Variants in SGCD observed in about 807,000 individuals in gnomAD.
SGCD encodes delta-sarcoglycan.
Under a neutral mutation model 36.6 loss-of-function variants are expected in SGCD, and 18 were observed. The ratio of observed to expected loss-of-function variants is 0.49; its 90% CI spans 0.34 to 0.73. SGCD has a LOEUF of 0.73. Among genes scored for constraint, SGCD ranks in the 30% least tolerant of loss-of-function variants. The probability of loss-of-function intolerance (pLI) is 0.01; values close to 1 mark genes in which losing one functional copy is unlikely to be tolerated. For missense variants in SGCD, 387 were observed against 346.7 expected (o/e 1.12, Z -0.92); for synonymous variants, 133 against 130.6 (o/e 1.02, Z -0.12).
rs567002334 is a variant in SGCD, at chr5:156,606,163, G to T, written c.502+11112G>T. ...GGTATTGCCTAGGTTTTCTTCTAGG[G>T]TTCTTATGGTTTTAGGTCTAACATT... On this transcript the variant is annotated intron_variant, in intron 6 of 8. Coordinates refer to ENST00000337851, the MANE Select transcript of SGCD (RefSeq NM_000337.6). Among the ~76,000 whole-genome samples, 8 of 152,240 alleles carry T rather than the reference G, an allele frequency of 5.3e-5. No individual in the cohort carries two copies. In the East Asian group the frequency reaches 1.5e-3, roughly 29 times the overall value.
chr5:156,193,788 T>C (rs1763952469), intron 3 of SGCD, among the ~76,000 whole-genome samples: 1 of 152,182 alleles, frequency 6.6e-6, no homozygotes, highest in African/African-American at 2.4e-5. Flanking sequence ...CAAGAATGCT[T>C]TTCTGGAGCC....
chr5:156,675,972 G>A (rs10056555), intron 7 of SGCD, among the ~76,000 whole-genome samples: 5,441 of 152,170 alleles, frequency 0.036, 200 homozygotes, highest in African/African-American at 0.094. Context: ...GTCTGGCTAC[G>A]TTTTATTCCT....
chr5:156,084,392 A>G (rs1488943229), intron 1 of SGCD, among the ~76,000 whole-genome samples: 2 of 152,166 alleles, frequency 1.3e-5, no homozygotes, highest in African/African-American at 2.4e-5. Flanking sequence ...CAGTTTCTGC[A>G]TGTTCATTGT....
chr5:156,221,194 G>T (rs1764709057), intron 3 of SGCD, among the ~76,000 whole-genome samples: 1 of 152,086 alleles, frequency 6.6e-6, no homozygotes, highest in South Asian at 2.1e-4. Context: ...TTATAGTTCT[G>T]GAGACTGGGA....
chr5:156,592,468 GA>G (rs1204508817), intron 5 of SGCD, among the ~76,000 whole-genome samples: 2 of 152,104 alleles, frequency 1.3e-5, no homozygotes, highest in African/African-American at 4.8e-5. Flanking sequence ...TCCCTCATTG[GA>G]CATCTCAGCT....
the SGCD span, among the ~76,000 whole-genome samples, chr5:155,728,015 C>G: frequency 2.6e-5 from 4 of 152,132 alleles, no homozygotes; most frequent in Admixed American, 2.6e-4. Context: ...CCCACCCCGC[C>G]CGCGTTTCGC....
At chr5:156,619,435 A>G (rs1762158263) in intron 6 of SGCD, among the ~76,000 whole-genome samples, 1 of 152,236 alleles carries the variant, frequency 6.6e-6, no homozygotes, top group Non-Finnish European at 1.5e-5. Flanking sequence ...TGTGTTTTCA[A>G]GCATCTGTTG....
rs544793068 is a variant in SGCD at position 156,753,248 on chromosome 5, C to A, written c.576-4333C>A. Among the ~76,000 whole-genome samples the A allele has an allele frequency of 3.3e-3, 500 of 152,344 alleles. 3 individuals are homozygous for A. The highest frequency in any genetic ancestry group is 3.7e-3 in the Non-Finnish European group (249 of 68,036). On this transcript the variant is annotated intron_variant, in intron 7 of 8. Coordinates refer to ENST00000337851, the MANE Select transcript of SGCD (RefSeq NM_000337.6). ...GCCTGGCCCGGCCCAGCTCCGGCCC[C>A]CACCCTTCCTGGCCACTCCTCCTTT... is the stretch of plus-strand genomic sequence containing the variant.
chr5:156,331,708 A>G (rs539195299), intron 2 of SGCD, among the ~76,000 whole-genome samples: 10 of 145,752 alleles, frequency 6.9e-5, no homozygotes, highest in East Asian at 5.9e-4. Flanking sequence ...ATATTCAGCC[A>G]CTGAAACTAT....
the SGCD span, among the ~76,000 whole-genome samples, chr5:155,751,575 G>A: frequency 0.072 from 10,949 of 152,036 alleles, 476 homozygotes; most frequent in African/African-American, 0.11. Flanking sequence ...TTTTGGTAGA[G>A]ATGGGGCTTT....
intron 2 of SGCD, among the ~76,000 whole-genome samples, chr5:156,333,145 G>A (rs188577255): frequency 1.1e-4 from 17 of 152,268 alleles, no homozygotes; most frequent in African/African-American, 2.4e-4. Flanking sequence ...ATTTGAGAGC[G>A]CAGGTAATAG....
intron 3 of SGCD, among the ~76,000 whole-genome samples, chr5:156,175,855 G>A (rs1835922): frequency 6.6e-6 from 1 of 151,554 alleles, no homozygotes. Context: ...ACAAAATTAC[G>A]GTACCCTAAA....
intron 3 of SGCD, among the ~76,000 whole-genome samples, chr5:156,500,553 G>GA (rs1346502898): frequency 6.6e-6 from 1 of 152,172 alleles, no homozygotes; most frequent in African/African-American, 2.4e-5. Context: ...GATGCAGGGG[G>GA]AAAATCAAAG....
At chr5:156,483,354 G>A (rs1755521144) in intron 3 of SGCD, among the ~76,000 whole-genome samples, 1 of 152,162 alleles carries the variant, frequency 6.6e-6, no homozygotes, top group Non-Finnish European at 1.5e-5. Flanking sequence ...GACATTTTTA[G>A]AAGGCAAAGA....
chr5:155,903,095 A>G (rs143118073), intron 1 of SGCD, among the ~76,000 whole-genome samples: 111 of 152,294 alleles, frequency 7.3e-4, no homozygotes, highest in African/African-American at 2.6e-3. Context: ...GATTTTGTTT[A>G]TGGTGTGAGT....
At chr5:156,156,784 A>T (rs964248026) in intron 3 of SGCD, among the ~76,000 whole-genome samples, 1 of 151,458 alleles carries the variant, frequency 6.6e-6, no homozygotes, top group Non-Finnish European at 1.5e-5. Context: ...ACCGACTTCT[A>T]CTTGGGATTC....
the SGCD span, among the ~76,000 whole-genome samples, chr5:155,815,802 C>T: frequency 3.9e-5 from 6 of 152,236 alleles, no homozygotes; most frequent in South Asian, 1.2e-3. Flanking sequence ...GACTCCTCTT[C>T]CAACACTGGG....
chr5:155,802,021 A>C, the SGCD span, among the ~76,000 whole-genome samples: 4 of 152,296 alleles, frequency 2.6e-5, no homozygotes, highest in East Asian at 5.8e-4. Flanking sequence ...AGTCCTGCTT[A>C]TACTACATGA....
rs1554087895 is a variant in SGCD, at chr5:156,259,114, G to GTTTGTTTATTTA, written c.-43-70417_-43-70416insGTTTATTTATTT. 2.4e-4 allele frequency among the ~76,000 whole-genome samples: 35 copies of GTTTGTTTATTTA among 146,774 alleles called. 1 individual carries two copies. The South Asian group carries it at 3.5e-3, about 14-fold the overall frequency. On this transcript the variant is annotated intron_variant, in intron 3 of 9. Transcript: ENST00000517913. ...CCCTATATCTTCTCAAACACTGGCT[G>GTTTGTTTATTTA]TTTATTTATTTATTTATTTATTTAT...
Sources: allele counts gnomAD v4.1 joint callset (sites outside exome capture counted in the v4.1 genomes callset), GRCh38; gene constraint gnomAD v4.1.1; transcripts MANE v1.5; gene names NCBI Gene and HGNC (gene_info 2026-07-23, HGNC 2026-07-21).